Variants in INTS7 observed in about 807,000 individuals in gnomAD.
INTS7 encodes the protein integrator complex subunit 7.
Under a neutral mutation model 109.2 loss-of-function variants are expected in INTS7, and 46 were observed. The observed-to-expected ratio is 0.42, with a 90% confidence interval of 0.33 to 0.54. INTS7 has a LOEUF of 0.54. Ranked by LOEUF, INTS7 falls within the 20% of genes least tolerant of loss-of-function variation. INTS7 has a pLI of 0.07. For synonymous variants in INTS7, 412 were observed against 402.9 expected, an observed-to-expected ratio of 1.02 and a Z score of -0.27; for missense variants, 929 against 1,132.4, an observed-to-expected ratio of 0.82 and a Z score of 2.58.
intron 7 of INTS7, among the ~76,000 whole-genome samples, chr1:211,998,304 G>A (rs1227255060): frequency 6.6e-6 from 1 of 152,168 alleles, no homozygotes; most frequent in African/African-American, 2.4e-5. Context: ...AAAGGTAGGG[G>A]ACTCACACTA....
At chr1:212,014,264 A>G (rs1666298086) in intron 4 of INTS7, among the ~76,000 whole-genome samples, 2 of 152,074 alleles carry the variant, frequency 1.3e-5, no homozygotes, top group South Asian at 2.1e-4. Flanking sequence ...CAGGAGTTCA[A>G]GACGAGCCTG....
intron 10 of INTS7, 74 bp from the exon 11 acceptor site, chr1:211,978,585 A>G (rs747119305): frequency 1.5e-5 from 24 of 1,550,254 alleles, no homozygotes; most frequent in Non-Finnish European, 1.8e-5. Context: ...AGAGCTTTGT[A>G]CAGGTTACTG....
chr1:211,966,902 G>A (rs985197570), intron 15 of INTS7, among the ~76,000 whole-genome samples: 4 of 151,960 alleles, frequency 2.6e-5, no homozygotes, highest in Middle Eastern at 3.2e-3. Context: ...GTGGTCTAAG[G>A]AGCCTTTATC....
At chr1:212,031,182 A>G (rs1667145288) in intron 1 of INTS7, among the ~76,000 whole-genome samples, 1 of 152,168 alleles carries the variant, frequency 6.6e-6, no homozygotes, top group Non-Finnish European at 1.5e-5. Flanking sequence ...CAAGGTCAAC[A>G]TTGCAGAAGG....
intron 7 of INTS7, among the ~76,000 whole-genome samples, chr1:211,999,400 G>T (rs543533979): frequency 6.6e-6 from 1 of 152,280 alleles, no homozygotes; most frequent in African/African-American, 2.4e-5. Context: ...TTTATATCCT[G>T]GAAAGGCAAA....
intron 16 of INTS7, among the ~76,000 whole-genome samples, chr1:211,952,938 A>C (rs527640649): frequency 4.6e-5 from 7 of 152,354 alleles, no homozygotes. Context: ...TGTAATTCTT[A>C]ATCTCTTTGG....
intron 7 of INTS7, among the ~76,000 whole-genome samples, chr1:211,988,928 A>G (rs1486164003): frequency 6.6e-6 from 1 of 152,214 alleles, no homozygotes; most frequent in Non-Finnish European, 1.5e-5. Context: ...AATGCAGTGA[A>G]CTATGAATAC....
chr1:211,981,265 C>G (rs1453630467), intron 9 of INTS7, 75 bp from the exon 10 acceptor site: 1 of 860,242 alleles, frequency 1.2e-6, no homozygotes, highest in African/African-American at 1.7e-5. Flanking sequence ...CATGCATACA[C>G]ACTCTCTTAG....
chr1:211,956,696 T>C (rs1304290832), intron 16 of INTS7, among the ~76,000 whole-genome samples: 2 of 152,224 alleles, frequency 1.3e-5, no homozygotes, highest in African/African-American at 2.4e-5. Flanking sequence ...ATTTTCTCTT[T>C]TGGCTTCTTT....
intron 19 of INTS7, 23 bp downstream of exon 19, chr1:211,944,761 A>G: frequency 1.3e-6 from 2 of 1,595,092 alleles, no homozygotes; most frequent in Non-Finnish European, 1.7e-6. Flanking sequence ...CTGTATCACA[A>G]TTCTGCCTCT....
At chr1:211,985,620 A>T (rs1234947837) in intron 8 of INTS7, among the ~76,000 whole-genome samples, 2 of 152,200 alleles carry the variant, frequency 1.3e-5, no homozygotes, top group Non-Finnish European at 2.9e-5. Context: ...AAAGAAAGTT[A>T]TTGTGCATGT....
rs374424073 is a variant in INTS7 at position 212,007,484 on chromosome 1, T to C, written c.557-35A>G. ...AAAATAATTCTCAAGGTATTTGTGA[T>C]CACCATCCTTAATAATATTCCAGAT... On this transcript the variant is annotated intron_variant, in intron 5 of 19. Coordinates refer to ENST00000366994, the MANE Select transcript of INTS7 (RefSeq NM_015434.4). 4.0e-6 allele frequency: 6 copies of C among 1,497,812 alleles called. No homozygotes were observed. In the African/African-American group the frequency reaches 8.2e-5, roughly 21 times the overall value. 92.8% of individuals were successfully genotyped at this position (1,497,812 alleles called of 1,614,324 possible). A position where few individuals can be genotyped will look rare whatever the true frequency, so the allele number is the denominator to read the frequency against.
intron 17 of INTS7, among the ~76,000 whole-genome samples, chr1:211,950,897 T>C (rs1376522356): frequency 6.6e-6 from 1 of 152,222 alleles, no homozygotes; most frequent in Non-Finnish European, 1.5e-5. Context: ...TAGAAGAATA[T>C]GAAAATAACC....
rs1663151270 is a variant in INTS7, at chr1:211,952,626, A to T, written c.2259T>A (p.Asn753Lys). 2.5e-6 allele frequency: 4 copies of T among 1,612,656 alleles called. No homozygotes were observed. The highest frequency in any genetic ancestry group is 1.7e-6 in the Non-Finnish European group (2 of 1,178,866). ...GTGATTCTACCTCCTCCAAGACATG[A>T]TTATATACAGACATCATTCTTCTTT... ...EYERRMMSVY[N>K]HVLEEVESLN... The change falls in exon 17 of 20, where the codon AAT becomes AAA. Residue 753 changes from asparagine (N) to lysine (K), a missense_variant. Coordinates refer to ENST00000366994, the MANE Select transcript of INTS7 (RefSeq NM_015434.4).
chr1:211,974,274 A>ATATATATATATATATAT (rs1553249475), intron 13 of INTS7, among the ~76,000 whole-genome samples: 15 of 79,548 alleles, frequency 1.9e-4, no homozygotes, highest in African/African-American at 3.1e-4. Context: ...CCAGAAAAAA[A>ATATATATATATATATAT]AAATATATAT....
intron 7 of INTS7, among the ~76,000 whole-genome samples, chr1:211,990,322 A>G (rs565889345): frequency 2.0e-5 from 3 of 152,242 alleles, no homozygotes; most frequent in African/African-American, 2.4e-5. Context: ...AGCTGCTAAT[A>G]TAAGATGTTC....
chr1:211,944,646 G>A, intron 19 of INTS7, 138 bp downstream of exon 19: 2 of 682,702 alleles, frequency 2.9e-6, no homozygotes, highest in Non-Finnish European at 5.0e-6. Flanking sequence ...CAGCCCCAAT[G>A]TGGGCTTTTA....
intron 8 of INTS7, among the ~76,000 whole-genome samples, chr1:211,983,255 T>A (rs1245533181): frequency 1.3e-5 from 2 of 152,128 alleles, no homozygotes; most frequent in Non-Finnish European, 2.9e-5. Flanking sequence ...ATACCTCATA[T>A]GAATTCGTGA....
intron 7 of INTS7, among the ~76,000 whole-genome samples, chr1:212,001,064 C>CTTTT (rs71137715): frequency 8.1e-6 from 1 of 122,852 alleles, no homozygotes; most frequent in Non-Finnish European, 1.7e-5. Flanking sequence ...GGCAGAATTC[C>CTTTT]TTTTTTTTTT....
Sources: gnomAD v4.1 joint callset for allele counts (sites outside exome capture counted in the v4.1 genomes callset) on GRCh38, gnomAD v4.1.1 for gene constraint, MANE v1.5 for transcripts, NCBI Gene and HGNC (gene_info 2026-07-23, HGNC 2026-07-21) for gene names.